The following FAM193A variants were observed in gnomAD, a reference collection of about 807,000 sequenced individuals.
FAM193A encodes family with sequence similarity 193 member A, also known as protein FAM193A.
FAM193A carries 22 observed loss-of-function variants against 126.5 expected under a neutral mutation model. That is an observed-to-expected ratio of 0.17 (90% CI 0.12 to 0.25). FAM193A has a LOEUF of 0.25. Among genes scored for constraint, FAM193A ranks in the 10% least tolerant of loss-of-function variants. The pLI is 1.00. For missense variants in FAM193A, 1,675 were observed against 1,672.8 expected (o/e 1.00, Z -0.02); for synonymous variants, 761 against 646.8 (o/e 1.18, Z -2.68).
At chr4:2,701,295 A>G (rs1481559805) in intron 19 of FAM193A, among the ~76,000 whole-genome samples, 1 of 151,832 alleles carries the variant, frequency 6.6e-6, no homozygotes, top group Non-Finnish European at 1.5e-5. Flanking sequence ...AAAAAAAAAA[A>G]AAAAAAGCTC....
chr4:2,647,865 CAT>C lies in FAM193A; in HGVS notation c.1311+1034_1311+1035del, dbSNP rs377729413. ...ATGGAACCTGGGCTCTAGCCTAAGA[CAT>C]GTGCTGGTTCCATGTCTGCCCTGGC... On this transcript the variant is annotated intron_variant, in intron 7 of 20. Coordinates refer to ENST00000637812, the MANE Select transcript of FAM193A (RefSeq NM_001366318.2). 1.7e-4 allele frequency among the ~76,000 whole-genome samples: 26 copies of C among 152,334 alleles called. No individual in the cohort carries two copies. In the South Asian group the frequency reaches 2.9e-3, roughly 17 times the overall value.
intron 13 of FAM193A, among the ~76,000 whole-genome samples, chr4:2,678,913 T>C (rs746624540): frequency 6.6e-5 from 10 of 152,236 alleles, no homozygotes; most frequent in Admixed American, 2.0e-4. Flanking sequence ...ATGCCTTTTA[T>C]TTCTTTTTCT....
At chr4:2,644,117 G>T (rs1232261000) in intron 6 of FAM193A, among the ~76,000 whole-genome samples, 2 of 152,172 alleles carry the variant, frequency 1.3e-5, no homozygotes, top group Non-Finnish European at 2.9e-5. Context: ...CCTGTGGATA[G>T]TCCCTGTGAC....
At chr4:2,577,210 A>T (rs1739639159) in intron 1 of FAM193A, among the ~76,000 whole-genome samples, 1 of 151,920 alleles carries the variant, frequency 6.6e-6, no homozygotes, top group African/African-American at 2.4e-5. Context: ...GACATATCAT[A>T]CCTTATAAGA....
At chr4:2,550,354 T>TAA (rs1487579759) in intron 1 of FAM193A, among the ~76,000 whole-genome samples, 6 of 151,544 alleles carry the variant, frequency 4.0e-5, no homozygotes, top group Non-Finnish European at 8.8e-5. Context: ...CCTAGACTGT[T>TAA]TAAGTCGTAG....
intron 5 of FAM193A, among the ~76,000 whole-genome samples, chr4:2,635,735 A>G (rs1744022163): frequency 6.6e-6 from 1 of 152,106 alleles, no homozygotes; most frequent in Non-Finnish European, 1.5e-5. Context: ...ATGGGGTTTC[A>G]CCATGTTGGC....
chr4:2,547,812 A>T (rs536796501), intron 1 of FAM193A, among the ~76,000 whole-genome samples: 8 of 151,712 alleles, frequency 5.3e-5, no homozygotes, highest in African/African-American at 1.5e-4. Context: ...TTCAGTAGAG[A>T]TGGGATTTCA....
chr4:2,651,804 G>A (rs1019889168), intron 7 of FAM193A, among the ~76,000 whole-genome samples: 1 of 152,222 alleles, frequency 6.6e-6, no homozygotes, highest in Non-Finnish European at 1.5e-5. Flanking sequence ...TGGCAGGGAA[G>A]CATAAGAGGT....
In FAM193A at chr4:2,656,816, C is replaced by T. The variant is rs937379750; in HGVS notation, c.1312-987C>T. On this transcript the variant is annotated intron_variant, in intron 7 of 20. Transcript: ENST00000637812. ...CATGAGCCCCTTGTTTGTAACTCTT[C>T]TTTAGATGTTACAAAGTATCAACTT... is the stretch of plus-strand genomic sequence containing the variant. Among the ~76,000 whole-genome samples, 78 of 152,218 alleles carry T rather than the reference C, an allele frequency of 5.1e-4. 4 individuals carry two copies. The highest frequency in any genetic ancestry group is 1.5e-5 in the Non-Finnish European group (1 of 68,036).
At chr4:2,680,120 C>G (rs1042273704) in intron 13 of FAM193A, among the ~76,000 whole-genome samples, 1 of 152,332 alleles carries the variant, frequency 6.6e-6, no homozygotes, top group East Asian at 1.9e-4. Flanking sequence ...CTTGGCCTCC[C>G]AGAGTGCTGG....
chr4:2,549,960 C>T (rs552089219), intron 1 of FAM193A, among the ~76,000 whole-genome samples: 55 of 151,544 alleles, frequency 3.6e-4, no homozygotes, highest in Non-Finnish European at 6.2e-4. Flanking sequence ...AACTCCTGAC[C>T]TCGTGATCTG....
rs541576516 is a variant in FAM193A at position 2,540,187 on chromosome 4, T to A, written c.255+3017T>A. On this transcript the variant is annotated intron_variant, in intron 1 of 20. Coordinates refer to ENST00000637812, the MANE Select transcript of FAM193A (RefSeq NM_001366318.2). ...TCATCTCTGCTAAAAATACAAAAAATGGCCGGGCGCAGTGGCTCACGCCTG... is the reference window on the plus strand; with the variant it reads ...TCATCTCTGCTAAAAATACAAAAAAAGGCCGGGCGCAGTGGCTCACGCCTG... Among the ~76,000 whole-genome samples the A allele has an allele frequency of 5.8e-5, 8 of 138,814 alleles. No individual in the cohort carries two copies. In the South Asian group the frequency reaches 1.8e-3, roughly 32 times the overall value. The allele number at this position is 138,814 out of a possible 152,430, so 91.1% of individuals were successfully genotyped here. A position where few individuals can be genotyped will look rare whatever the true frequency, so the allele number is the denominator to read the frequency against.
chr4:2,664,934 T>A (rs906870151), intron 12 of FAM193A, among the ~76,000 whole-genome samples: 1 of 152,144 alleles, frequency 6.6e-6, no homozygotes, highest in Non-Finnish European at 1.5e-5. Flanking sequence ...TAGGATCTAC[T>A]TGTCAACTAC....
rs929854488 is a variant in FAM193A, at chr4:2,607,905, G to A, written c.501+11576G>A. The A allele has an allele frequency of 4.8e-6, 5 of 1,047,296 alleles. No individual in the cohort carries two copies. In the African/African-American group the frequency reaches 8.4e-5, roughly 18 times the overall value. The allele number at this position is 1,047,296 out of a possible 1,614,324, so 64.9% of individuals were successfully genotyped here. ...GATATTGCCTGTTTCTTTTTTGTCT[G>A]TTTTTCACTATGTGATGGTGTCGCT... On this transcript the variant is annotated intron_variant, in intron 2 of 20. Coordinates refer to ENST00000637812, the MANE Select transcript of FAM193A (RefSeq NM_001366318.2).
intron 1 of FAM193A, among the ~76,000 whole-genome samples, chr4:2,566,053 T>TC (rs898839263): frequency 2.0e-5 from 3 of 147,936 alleles, no homozygotes; most frequent in African/African-American, 7.4e-5. Flanking sequence ...GAAAATTGCT[T>TC]TTTTTTTTTT....
chr4:2,574,082 A>AG (rs1667538755), intron 1 of FAM193A, among the ~76,000 whole-genome samples: 1 of 152,028 alleles, frequency 6.6e-6, no homozygotes, highest in Non-Finnish European at 1.5e-5. Flanking sequence ...TTTTTGCAGA[A>AG]GAGTGGTATT....
At chr4:2,570,022 GATA>G (rs1213824329) in intron 1 of FAM193A, among the ~76,000 whole-genome samples, 10 of 152,082 alleles carry the variant, frequency 6.6e-5, no homozygotes, top group African/African-American at 2.2e-4. Flanking sequence ...TCAGATGCTG[GATA>G]AGTCAAATAC....
intron 1 of FAM193A, among the ~76,000 whole-genome samples, chr4:2,586,641 C>T (rs1740256828): frequency 6.6e-6 from 1 of 152,148 alleles, no homozygotes; most frequent in Non-Finnish European, 1.5e-5. Flanking sequence ...GTACCACACT[C>T]TCTGAATTAT....
At chr4:2,622,624 A>G (rs1742625642) in intron 2 of FAM193A, among the ~76,000 whole-genome samples, 1 of 152,094 alleles carries the variant, frequency 6.6e-6, no homozygotes, top group South Asian at 2.1e-4. Context: ...GCGGACATTT[A>G]TATCTTATAG....
Sources: gnomAD v4.1 joint callset for allele counts (sites outside exome capture counted in the v4.1 genomes callset) on GRCh38, gnomAD v4.1.1 for gene constraint, MANE v1.5 for transcripts, NCBI Gene and HGNC (gene_info 2026-07-23, HGNC 2026-07-21) for gene names.